The following RSRC1 variants were observed in gnomAD, a reference collection of about 807,000 sequenced individuals.
RSRC1 encodes serine/Arginine-related protein 53.
A neutral mutation model predicts 49.1 loss-of-function variants in RSRC1; 39 were observed. The observed-to-expected ratio is 0.79, with a 90% CI of 0.61 to 1.04. The LOEUF is 1.04. RSRC1 is among the 50% of genes least tolerant of loss of function. RSRC1 has a pLI of 0.00. For missense variants in RSRC1, 388 were observed against 402.4 expected (o/e 0.96, Z 0.31); for synonymous variants, 143 against 130.8 (o/e 1.09, Z -0.63).
At chr3:158,412,324 G>A (rs896544471) in intron 6 of RSRC1, among the ~76,000 whole-genome samples, 1 of 152,070 alleles carries the variant, frequency 6.6e-6, no homozygotes, top group Non-Finnish European at 1.5e-5. Flanking sequence ...ATTGTTTGGT[G>A]TAACTGTGAT....
chr3:158,227,089 G>A (rs1460651712), intron 4 of RSRC1, among the ~76,000 whole-genome samples: 5 of 151,762 alleles, frequency 3.3e-5, no homozygotes, highest in Admixed American at 1.3e-4. Context: ...TAGCTTTGGA[G>A]GACAAAAACC....
intron 6 of RSRC1, among the ~76,000 whole-genome samples, chr3:158,396,916 AT>A (rs1164780642): frequency 6.6e-6 from 1 of 152,158 alleles, no homozygotes; most frequent in Non-Finnish European, 1.5e-5. Context: ...CCATGAAGAG[AT>A]ACCTTTATTA....
chr3:158,180,890 C>T (rs576013877), intron 3 of RSRC1, among the ~76,000 whole-genome samples: 3 of 150,730 alleles, frequency 2.0e-5, no homozygotes, highest in South Asian at 2.1e-4. Flanking sequence ...CTGCAACCTC[C>T]GCCTCCCAGG....
intron 3 of RSRC1, among the ~76,000 whole-genome samples, chr3:158,155,614 T>C (rs78202587): frequency 1.1e-4 from 17 of 150,086 alleles, no homozygotes; most frequent in Admixed American, 3.3e-4. Context: ...TTTTTTTTTT[T>C]GTATTTTTTG....
At chr3:158,247,769 G>A (rs945821252) in intron 4 of RSRC1, among the ~76,000 whole-genome samples, 4 of 152,060 alleles carry the variant, frequency 2.6e-5, no homozygotes, top group African/African-American at 9.7e-5. Context: ...CCTTCCTCTA[G>A]ACCCTCCATC....
At chr3:158,148,287 G>A in intron 3 of RSRC1, among the ~76,000 whole-genome samples, 1 of 152,078 alleles carries the variant, frequency 6.6e-6, no homozygotes, top group Non-Finnish European at 1.5e-5. Context: ...GTTCAGTTGG[G>A]TTGGAGAAGC....
intron 5 of RSRC1, among the ~76,000 whole-genome samples, chr3:158,353,872 G>T (rs1225305084): frequency 6.6e-6 from 1 of 151,610 alleles, no homozygotes; most frequent in Non-Finnish European, 1.5e-5. Context: ...TTTTTTAACA[G>T]GTCTTTAGTA....
At chr3:158,493,872 G>A (rs9861322) in intron 7 of RSRC1, among the ~76,000 whole-genome samples, 27,785 of 152,066 alleles carry the variant, frequency 0.18, 3,237 homozygotes, top group African/African-American at 0.34. Context: ...TTAGGTTCCA[G>A]TTAGTTACAT....
intron 7 of RSRC1, among the ~76,000 whole-genome samples, chr3:158,499,238 G>T (rs181033849): frequency 1.3e-5 from 2 of 151,980 alleles, no homozygotes; most frequent in Non-Finnish European, 2.9e-5. Context: ...TTAGCCAGGC[G>T]TGGTGGCACG....
chr3:158,380,324 G>T (rs1732632249), intron 6 of RSRC1, among the ~76,000 whole-genome samples: 2 of 152,002 alleles, frequency 1.3e-5, no homozygotes, highest in Admixed American at 6.5e-5. Flanking sequence ...CCCAAGCATG[G>T]TGGCATGAGC....
chr3:158,121,489 T>G (rs1051457962), intron 1 of RSRC1, among the ~76,000 whole-genome samples: 2 of 152,208 alleles, frequency 1.3e-5, no homozygotes, highest in Admixed American at 6.5e-5. Context: ...ACTTTAGTAC[T>G]TTAGTTAATA....
At chr3:158,166,723 C>T (rs1718562508) in intron 3 of RSRC1, among the ~76,000 whole-genome samples, 2 of 152,090 alleles carry the variant, frequency 1.3e-5, no homozygotes, top group Non-Finnish European at 2.9e-5. Context: ...TCTATTGTTT[C>T]AGTATTTAGA....
chr3:158,335,534 A>AT (rs1221703033), intron 5 of RSRC1, among the ~76,000 whole-genome samples: 5 of 152,206 alleles, frequency 3.3e-5, no homozygotes, highest in Non-Finnish European at 5.9e-5. Context: ...TCATTGAGGT[A>AT]TTTTTTAAGG....
chr3:158,145,181 G>A (rs374259547), intron 3 of RSRC1, among the ~76,000 whole-genome samples: 1 of 152,260 alleles, frequency 6.6e-6, no homozygotes, highest in East Asian at 1.9e-4. Context: ...ATTGCTTTTG[G>A]TGTTTTAGAC....
chr3:158,275,435 A>G (rs1306422949), intron 4 of RSRC1, among the ~76,000 whole-genome samples: 1 of 152,234 alleles, frequency 6.6e-6, no homozygotes, highest in Admixed American at 6.5e-5. Flanking sequence ...GCTACTTGAA[A>G]GTAAACCAGC....
intron 7 of RSRC1, among the ~76,000 whole-genome samples, chr3:158,487,668 C>T (rs1483972300): frequency 6.6e-6 from 1 of 151,956 alleles, no homozygotes; most frequent in African/African-American, 2.4e-5. Context: ...GAATAAAAAA[C>T]TGGCCAGGCA....
chr3:158,481,621 A>G (rs1311450931), intron 7 of RSRC1, among the ~76,000 whole-genome samples: 1 of 152,102 alleles, frequency 6.6e-6, no homozygotes, highest in Non-Finnish European at 1.5e-5. Context: ...AAAGAGGTAG[A>G]GCACAGCAGC....
At chr3:158,183,586 G>A (rs1336500956) in intron 3 of RSRC1, among the ~76,000 whole-genome samples, 1 of 152,116 alleles carries the variant, frequency 6.6e-6, no homozygotes, top group Non-Finnish European at 1.5e-5. Context: ...AAAATAAAAA[G>A]TAAAACAATA....
rs567283873 is a variant in RSRC1, at chr3:158,522,613, A to T, written c.653-14479A>T. ...AAAATGACGACCAAATGGAAAGGAG[A>T]TTATAATTGCAGATTTCAGAACACA... On this transcript the variant is annotated intron_variant, in intron 7 of 9. Coordinates refer to ENST00000611884, the MANE Select transcript of RSRC1 (RefSeq NM_001271838.2). 5.3e-5 allele frequency among the ~76,000 whole-genome samples: 8 copies of T among 152,286 alleles called. No homozygotes were observed. In the East Asian group the frequency reaches 1.5e-3, roughly 29 times the overall value.
Sources: gnomAD v4.1 joint callset for allele counts (sites outside exome capture counted in the v4.1 genomes callset) on GRCh38, gnomAD v4.1.1 for gene constraint, MANE v1.5 for transcripts, NCBI Gene and HGNC (gene_info 2026-07-23, HGNC 2026-07-21) for gene names.